The following LYRM4 variants were observed in gnomAD, a reference collection of about 807,000 sequenced individuals.
The protein encoded by LYRM4 is LYR motif containing 4, also known as LYR motif-containing protein 4.
LYRM4 carries 9 observed loss-of-function variants against 11.7 expected under a neutral mutation model. The ratio of observed to expected loss-of-function variants is 0.77; its 90% CI spans 0.46 to 1.34. The LOEUF is 1.34. LYRM4 is among the 40% of genes most tolerant of loss of function. LYRM4 has a pLI of 0.00. For missense variants in LYRM4, 133 were observed against 112.5 expected (o/e 1.18, Z -0.82); for synonymous variants, 42 against 40.4 (o/e 1.04, Z -0.15).
At chr6:5,248,694 C>T (rs1054986410) in intron 1 of LYRM4, among the ~76,000 whole-genome samples, 2 of 152,248 alleles carry the variant, frequency 1.3e-5, no homozygotes, top group South Asian at 2.1e-4. Flanking sequence ...GATCCCCTTT[C>T]GGGTTAGGCT....
chr6:5,061,194 A>G, the LYRM4 span, among the ~76,000 whole-genome samples: 10 of 152,166 alleles, frequency 6.6e-5, no homozygotes, highest in Non-Finnish European at 1.0e-4. Context: ...TTAATCCTTC[A>G]TTTCTTCTAT....
At chr6:5,051,117 G>T in the LYRM4 span, among the ~76,000 whole-genome samples, 5 of 152,276 alleles carry the variant, frequency 3.3e-5, no homozygotes, top group Admixed American at 1.3e-4. Context: ...TTGAATTCTT[G>T]ACTCTGAGGA....
the LYRM4 span, among the ~76,000 whole-genome samples, chr6:5,045,518 A>G: frequency 6.6e-6 from 1 of 152,220 alleles, no homozygotes; most frequent in Non-Finnish European, 1.5e-5. Flanking sequence ...GGGAAGATGA[A>G]AATGTTCTGG....
the LYRM4 span, among the ~76,000 whole-genome samples, chr6:5,082,420 C>G: frequency 6.6e-6 from 1 of 152,168 alleles, no homozygotes; most frequent in Non-Finnish European, 1.5e-5. Context: ...CTGGGGGTCC[C>G]TGCCCCAGTG....
chr6:5,123,675 C>T (rs1763567714), intron 2 of LYRM4, among the ~76,000 whole-genome samples: 1 of 152,212 alleles, frequency 6.6e-6, no homozygotes, highest in African/African-American at 2.4e-5. Flanking sequence ...CCTGGTAGGC[C>T]ACTGACATGC....
chr6:5,074,733 G>A, the LYRM4 span, among the ~76,000 whole-genome samples: 1,549 of 152,088 alleles, frequency 0.01, 28 homozygotes, highest in African/African-American at 0.031. Context: ...ATTAAGGGAA[G>A]TGATTTGGAG....
downstream of LYRM4, among the ~76,000 whole-genome samples, chr6:5,101,273 G>A (rs550114416): frequency 1.3e-5 from 2 of 152,240 alleles, no homozygotes; most frequent in African/African-American, 4.8e-5. Flanking sequence ...TTACATACAT[G>A]TCTTAAGGAC....
intron 2 of LYRM4, among the ~76,000 whole-genome samples, chr6:5,120,195 G>A (rs911197884): frequency 2.6e-5 from 4 of 152,086 alleles, no homozygotes; most frequent in Admixed American, 2.0e-4. Flanking sequence ...GTGCCTGGCC[G>A]GGAATGAAAT....
rs1000538337 is a variant in LYRM4 at position 5,165,669 on chromosome 6, A to C, written c.207+50949T>G. On this transcript the variant is annotated intron_variant, in intron 2 of 2. Transcript: ENST00000330636. Reference sequence around the variant, plus strand: ...ATGATTCTCCTGCCTCAGCCTCCCGAGTAGCTGGGACTAGAGGTGCATACC... The same window carrying C: ...ATGATTCTCCTGCCTCAGCCTCCCGCGTAGCTGGGACTAGAGGTGCATACC... 6.6e-5 allele frequency among the ~76,000 whole-genome samples: 10 copies of C among 152,016 alleles called. No individual in the cohort carries two copies. In the East Asian group the frequency reaches 1.4e-3, roughly 21 times the overall value.
intron 2 of LYRM4, among the ~76,000 whole-genome samples, chr6:5,127,825 TTTTA>T (rs1763766195): frequency 6.6e-6 from 1 of 152,244 alleles, no homozygotes; most frequent in Non-Finnish European, 1.5e-5. Context: ...CTTTTTTCAT[TTTTA>T]TTTATTTTTA....
chr6:5,038,884 GA>G, the LYRM4 span, among the ~76,000 whole-genome samples: 30 of 8,390 alleles, frequency 3.6e-3, 2 homozygotes, highest in African/African-American at 8.6e-3. Context: ...ACCGTGGAGG[GA>G]GAGAGAGGGA....
chr6:5,187,583 A>G (rs1358780383), intron 2 of LYRM4, among the ~76,000 whole-genome samples: 3 of 151,976 alleles, frequency 2.0e-5, no homozygotes, highest in African/African-American at 7.3e-5. Context: ...GCAGGGGAAC[A>G]TCACACCCCG....
chr6:5,134,345 T>C (rs1581346587), intron 2 of LYRM4, among the ~76,000 whole-genome samples: 1 of 152,114 alleles, frequency 6.6e-6, no homozygotes, highest in Non-Finnish European at 1.5e-5. Context: ...GCAAATAAAT[T>C]ATAAGGAAAA....
At chr6:5,086,534 GCTACGCGCGCC>G in the LYRM4 span, 2 of 1,530,368 alleles carry the variant, frequency 1.3e-6, no homozygotes, top group Non-Finnish European at 1.8e-6. Context: ...TACACGCTGC[GCTACGCGCGCC>G]CTGCGGACGC....
At chr6:5,248,578 C>T (rs1764295669) in intron 1 of LYRM4, among the ~76,000 whole-genome samples, 2 of 152,260 alleles carry the variant, frequency 1.3e-5, no homozygotes, top group African/African-American at 4.8e-5. Context: ...TTACAGCCAA[C>T]ACCAACTACA....
At chr6:5,202,664 A>G (rs1332623446) in intron 2 of LYRM4, among the ~76,000 whole-genome samples, 1 of 152,184 alleles carries the variant, frequency 6.6e-6, no homozygotes, top group Non-Finnish European at 1.5e-5. Flanking sequence ...GAAAAGATGA[A>G]TAGCCTGCCA....
the LYRM4 span, among the ~76,000 whole-genome samples, chr6:5,081,965 C>T: frequency 6.6e-6 from 1 of 152,112 alleles, no homozygotes; most frequent in Non-Finnish European, 1.5e-5. Context: ...ATGTGGAGAC[C>T]CTGGAGGCTG....
chr6:5,248,442 C>T (rs1026272275), intron 1 of LYRM4, among the ~76,000 whole-genome samples: 2 of 152,208 alleles, frequency 1.3e-5, no homozygotes, highest in Non-Finnish European at 2.9e-5. Flanking sequence ...TTTTCAATGC[C>T]GAGGACCACG....
intron 1 of LYRM4, among the ~76,000 whole-genome samples, chr6:5,251,047 C>T (rs1764406720): frequency 6.6e-6 from 1 of 152,222 alleles, no homozygotes; most frequent in Non-Finnish European, 1.5e-5. Flanking sequence ...TGCATGCTTC[C>T]TCTGTAAGTT....
Sources: gnomAD v4.1 joint callset for allele counts (sites outside exome capture counted in the v4.1 genomes callset) on GRCh38, gnomAD v4.1.1 for gene constraint, MANE v1.5 for transcripts, NCBI Gene and HGNC (gene_info 2026-07-23, HGNC 2026-07-21) for gene names.